Variants in ABCB5 observed in about 807,000 individuals in gnomAD.
The protein encoded by ABCB5 is ATP binding cassette subfamily B member 5.
In ABCB5, 155 loss-of-function variants were observed where a neutral mutation model predicts 144.2. That is an observed-to-expected ratio of 1.08 (90% CI 0.94 to 1.23). The LOEUF (loss-of-function observed/expected upper bound fraction) is 1.23, where lower values mean the gene tolerates loss of function less well. Ranked by LOEUF, ABCB5 falls within the 50% of genes most tolerant of loss-of-function variation. The pLI is 0.00. For missense variants in ABCB5, 1,830 were observed against 1,520.8 expected, an observed-to-expected ratio of 1.20 and a Z score of -3.38; for synonymous variants, 610 against 528.6, an observed-to-expected ratio of 1.15 and a Z score of -2.11.
chr7:20,659,765 C>T (rs993131205), intron 14 of ABCB5: 7 of 985,388 alleles, frequency 7.1e-6, no homozygotes, highest in Non-Finnish European at 8.4e-6. Context: ...TTGAGTGCAA[C>T]CTCTGCCCAC....
chr7:20,749,618 A>T (rs1324757787), intron 26 of ABCB5, among the ~76,000 whole-genome samples: 1 of 152,016 alleles, frequency 6.6e-6, no homozygotes, highest in Non-Finnish European at 1.5e-5. Context: ...TTTAGGGAAG[A>T]TAGGACAAAT....
intron 4 of ABCB5, among the ~76,000 whole-genome samples, chr7:20,630,499 T>G (rs1337729032): frequency 6.6e-6 from 1 of 152,162 alleles, no homozygotes; most frequent in Non-Finnish European, 1.5e-5. Context: ...TCTCTGTCTT[T>G]CCATGATCTC....
intron 14 of ABCB5, among the ~76,000 whole-genome samples, chr7:20,663,021 T>C (rs558988957): frequency 1.1e-4 from 17 of 152,288 alleles, no homozygotes; most frequent in Admixed American, 1.1e-3. Context: ...TATTCTCCTG[T>C]TTTACAGTTG....
intron 26 of ABCB5, 52 bp downstream of exon 26, chr7:20,745,490 T>A: frequency 6.5e-7 from 1 of 1,535,462 alleles, no homozygotes. Flanking sequence ...TAAGGCTAAG[T>A]AGCTACTGGG....
At chr7:20,684,710 G>A (rs1393042440) in intron 15 of ABCB5, among the ~76,000 whole-genome samples, 1 of 152,212 alleles carries the variant, frequency 6.6e-6, no homozygotes, top group East Asian at 1.9e-4. Context: ...AGGAATGCCT[G>A]ATTAAAGATG....
rs1478215600 is a variant in ABCB5 at position 20,739,036 on chromosome 7, T to A, written c.2921T>A (p.Leu974Ter). 6.2e-7 allele frequency: 1 copy of A among 1,612,320 alleles called. No homozygotes were observed. Among genetic ancestry groups the A allele is most frequent in the African/African-American group, 1.3e-5 (1 of 74,940 alleles). ...GAMAIGETLV[L>*]APEYSKAKSG... ...ATGGCCATCGGAGAAACGCTCGTTT[T>A]GGCTCCTGAATATTCCAAAGCCAAA... The change falls in exon 24 of 28, where the codon TTG (leucine) becomes TAG (stop). Residue 974 changes from leucine (L) to a stop codon, truncating the protein, a stop_gained. Coordinates refer to ENST00000404938, the MANE Select transcript of ABCB5 (RefSeq NM_001163941.2). LOFTEE classifies it high-confidence loss of function.
At chr7:20,689,121 A>AAAT (rs777350026) in intron 16 of ABCB5, among the ~76,000 whole-genome samples, 15 of 152,050 alleles carry the variant, frequency 9.9e-5, no homozygotes, top group East Asian at 5.8e-4. Context: ...TATAATAATA[A>AAAT]AATAATAATA....
chr7:20,706,150 A>G (rs1441664103), intron 20 of ABCB5, among the ~76,000 whole-genome samples: 1 of 152,194 alleles, frequency 6.6e-6, no homozygotes, highest in East Asian at 1.9e-4. Context: ...GTATAGCATT[A>G]ACCTCCGTAG....
rs1372207000 is a variant in ABCB5, at chr7:20,711,896, CCT to C, written c.2421+7090_2421+7091del. 1.2e-3 allele frequency among the ~76,000 whole-genome samples: 138 copies of C among 114,172 alleles called. 10 individuals carry two copies. The highest frequency in any genetic ancestry group is 9.7e-3 in the Middle Eastern group (2 of 206). 74.9% of individuals were successfully genotyped at this position (114,172 alleles called of 152,430 possible). On this transcript the variant is annotated intron_variant, in intron 20 of 27. Coordinates refer to ENST00000404938, the MANE Select transcript of ABCB5 (RefSeq NM_001163941.2). ...TCCCTCCCTCCCTCCCTCCCTCCTT[CCT>C]TCCTTCCTTCCTTTCTTTCTCTCTC...
chr7:20,727,388 T>C (rs1188158980), intron 22 of ABCB5, among the ~76,000 whole-genome samples: 4 of 152,210 alleles, frequency 2.6e-5, no homozygotes, highest in Non-Finnish European at 4.4e-5. Context: ...AGTATGCACA[T>C]TTTTCTTATT....
chr7:20,628,911 A>T, intron 4 of ABCB5, 73 bp downstream of exon 4: 2 of 1,492,012 alleles, frequency 1.3e-6, no homozygotes, highest in Non-Finnish European at 1.8e-6. Flanking sequence ...ACGTTAAGCT[A>T]GCAAGGCAGA....
At chr7:20,619,165 TAA>T (rs1308398861) in intron 1 of ABCB5, among the ~76,000 whole-genome samples, 1 of 151,986 alleles carries the variant, frequency 6.6e-6, no homozygotes, top group East Asian at 1.9e-4. Flanking sequence ...GTCATAAACA[TAA>T]GAGTGCATGC....
chr7:20,709,015 T>C (rs1246837281), intron 20 of ABCB5, among the ~76,000 whole-genome samples: 1 of 152,212 alleles, frequency 6.6e-6, no homozygotes, highest in African/African-American at 2.4e-5. Flanking sequence ...AACTGAGCAG[T>C]GTCAGTAACA....
rs201067658 is a variant in ABCB5 at position 20,651,469 on chromosome 7, G to A, written c.1382G>A (p.Arg461Gln). 249 of 1,613,878 alleles carry A rather than the reference G, an allele frequency of 1.5e-4. No individual in the cohort carries two copies. The highest frequency in any genetic ancestry group is 5.3e-4 in the Admixed American group (32 of 59,968). The change falls in exon 13 of 28, where the codon CGA (arginine) becomes CAA (glutamine). Residue 461 changes from arginine to glutamine, a missense_variant. By Grantham distance (43) the Arg-to-Gln change is conservative (BLOSUM62 1). Transcript: ENST00000404938. The part of the protein sequence containing the change: ...DIRALNVRHY[R>Q]DHIGVVSQEP... ...AGAGCTTTAAATGTGCGGCATTATC[G>A]AGACCATATTGGAGTGGTTAGTCAA...
At chr7:20,683,045 C>T (rs1785878738) in intron 15 of ABCB5, among the ~76,000 whole-genome samples, 1 of 152,140 alleles carries the variant, frequency 6.6e-6, no homozygotes, top group Non-Finnish European at 1.5e-5. Context: ...GATTTCAACC[C>T]TTTTTGGTCT....
intron 17 of ABCB5, 130 bp downstream of exon 17, chr7:20,698,680 C>A: frequency 1.3e-6 from 1 of 767,750 alleles, no homozygotes; most frequent in South Asian, 2.4e-5. Context: ...AGTGTGGAGT[C>A]CGTGATAGGA....
intron 25 of ABCB5, among the ~76,000 whole-genome samples, chr7:20,744,939 G>C (rs1021469971): frequency 2.0e-5 from 3 of 152,140 alleles, no homozygotes; most frequent in African/African-American, 7.2e-5. Context: ...AAACATGGCT[G>C]TGTGCAAGAT....
chr7:20,647,792 A>T, intron 10 of ABCB5, 144 bp downstream of exon 10: 1 of 1,333,408 alleles, frequency 7.5e-7, no homozygotes, highest in South Asian at 1.4e-5. Flanking sequence ...GACTGCCTTT[A>T]ATTCTTTTCT....
Position 20,643,355 on chromosome 7 carries a change from A to G in ABCB5, c.486A>G (p.Glu162=), listed in dbSNP as rs1425442930. The G allele has an allele frequency of 1.4e-5, 23 of 1,613,882 alleles. No individual in the cohort carries two copies. Among genetic ancestry groups the G allele is most frequent in the African/African-American group, 5.3e-5 (4 of 74,938 alleles). ...IGWFDSCDIG[E]LNTRMTDDID... ...GGTTTGATAGCTGTGACATCGGTGA[A>G]CTTAACACTCGCATGACAGAGTAAG... The change falls in exon 6 of 28, where the codon GAA becomes GAG. Residue 162 remains glutamate (E), a synonymous_variant. Transcript: ENST00000404938.
Sources: gnomAD v4.1 joint callset for allele counts (sites outside exome capture counted in the v4.1 genomes callset) on GRCh38, gnomAD v4.1.1 for gene constraint, MANE v1.5 for transcripts, NCBI Gene and HGNC (gene_info 2026-07-23, HGNC 2026-07-21) for gene names.